Variants in FRMPD2 observed in about 807,000 individuals in gnomAD.
The protein encoded by FRMPD2 is FERM and PDZ domain containing 2, also known as FERM and PDZ domain-containing protein 2.
Under a neutral mutation model 140.1 loss-of-function variants are expected in FRMPD2, and 96 were observed. That is an observed-to-expected ratio of 0.69 (90% CI 0.58 to 0.81). The LOEUF (loss-of-function observed/expected upper bound fraction) is 0.81, where lower values mean the gene tolerates loss of function less well. FRMPD2 is among the 40% of genes least tolerant of loss of function. The probability of loss-of-function intolerance (pLI) is 0.00; values close to 1 mark genes in which losing one functional copy is unlikely to be tolerated. For synonymous variants in FRMPD2, 449 were observed against 547.6 expected (o/e 0.82, Z 2.52); for missense variants, 1,240 against 1,447.4 (o/e 0.86, Z 2.32).
chr10:48,178,260 G>T (rs1588807894), intron 21 of FRMPD2, 109 bp from the exon 22 acceptor site: 8 of 780,962 alleles, frequency 1.0e-5, no homozygotes, highest in Admixed American at 4.2e-5. Context: ...AAGATCATGA[G>T]CTTTGGATTG....
rs922962142 is a variant in FRMPD2 at position 48,244,790 on chromosome 10, T to C, written c.369A>G (p.Pro123=). 17 of 1,612,838 alleles carry C rather than the reference T, an allele frequency of 1.1e-5. No individual in the cohort carries two copies. The highest frequency in any genetic ancestry group is 1.4e-5 in the Non-Finnish European group (17 of 1,178,808). The change falls in exon 4 of 29, where the codon CCA becomes CCG. Residue 123 remains proline (P), a synonymous_variant. Transcript: ENST00000374201. The stretch of plus-strand genomic sequence containing the variant: ...GAGTATCTTGTTTACAAACCTGATG[T>C]GGCGGAACATGAAACCCTGCTGACC... The part of the protein sequence containing the change: ...LYWSAGFHVP[P]HQPLQLCEPL...
chr10:48,195,410 A>G (rs1838928766), intron 15 of FRMPD2, among the ~76,000 whole-genome samples: 1 of 152,266 alleles, frequency 6.6e-6, no homozygotes, highest in African/African-American at 2.4e-5. Flanking sequence ...AAGCACTTGG[A>G]AAGTGCTCAA....
chr10:48,196,997 C>A (rs1024554601), intron 15 of FRMPD2, among the ~76,000 whole-genome samples: 2 of 152,208 alleles, frequency 1.3e-5, no homozygotes, highest in African/African-American at 2.4e-5. Context: ...TCAGCAATAG[C>A]AGGTAAGTCA....
chr10:48,261,491 T>C (rs1415354753), intron 1 of FRMPD2, among the ~76,000 whole-genome samples: 1 of 152,092 alleles, frequency 6.6e-6, no homozygotes, highest in Non-Finnish European at 1.5e-5. Context: ...AAAAAGATCG[T>C]AGGACGTAAT....
At chr10:48,272,938 G>T (rs1027964672) in intron 1 of FRMPD2, among the ~76,000 whole-genome samples, 3 of 152,126 alleles carry the variant, frequency 2.0e-5, no homozygotes, top group African/African-American at 7.2e-5. Context: ...ACTACATTCA[G>T]TGGTCAATTG....
intron 22 of FRMPD2, 190 bp from the exon 23 acceptor site, chr10:48,176,129 C>T (rs1364872143): frequency 1.8e-6 from 1 of 571,356 alleles, no homozygotes; most frequent in Non-Finnish European, 3.2e-6. Context: ...ATTAGGTGTT[C>T]ATAAGCTTAA....
chr10:48,233,972 C>G (rs1193189272), intron 9 of FRMPD2, among the ~76,000 whole-genome samples: 2 of 152,238 alleles, frequency 1.3e-5, no homozygotes, highest in Non-Finnish European at 2.9e-5. Context: ...CACCAAAGCT[C>G]TTTCCCTGGG....
chr10:48,192,795 TC>T lies in FRMPD2; in HGVS notation c.2053del (p.Glu685SerfsTer15). 6.2e-7 allele frequency: 1 copy of T among 1,614,108 alleles called. No individual in the cohort carries two copies. The highest frequency in any genetic ancestry group is 8.5e-7 in the Non-Finnish European group (1 of 1,179,992). ...ACCCTGAAGCCTGGATACAAACAAC[TC>T]GTTTTCTGAGCATGACAATCTCTGA... ...WIQRLSCSENELFVSRLQGAA... is the reference protein window; with the variant it reads ...WIQRLSCSENXLFVSRLQGAA... On this transcript the variant is annotated frameshift_variant, in exon 16 of 29. Coordinates refer to ENST00000374201, the MANE Select transcript of FRMPD2 (RefSeq NM_001018071.4). LOFTEE classifies it high-confidence loss of function.
Position 48,208,212 on chromosome 10 carries a change from T to C in FRMPD2, c.1612-1279A>G, listed in dbSNP as rs544255886. Among the ~76,000 whole-genome samples the C allele has an allele frequency of 2.3e-3, 352 of 152,344 alleles. 1 individual carries two copies. The highest frequency in any genetic ancestry group is 8.2e-3 in the African/African-American group (341 of 41,584). ...AATAGGCAGACGCTTTTAAAGAATTTGGTGTGATATTTCTTTTAAAAATTA... is the reference window on the plus strand; with the variant it reads ...AATAGGCAGACGCTTTTAAAGAATTCGGTGTGATATTTCTTTTAAAAATTA... On this transcript the variant is annotated intron_variant, in intron 13 of 28. Transcript: ENST00000374201.
At chr10:48,201,987 A>T (rs1202307862) in intron 14 of FRMPD2, among the ~76,000 whole-genome samples, 1 of 152,030 alleles carries the variant, frequency 6.6e-6, no homozygotes, top group Non-Finnish European at 1.5e-5. Flanking sequence ...AGGTCACACC[A>T]CAAAGAAACG....
chr10:48,187,896 G>T (rs963771325), intron 16 of FRMPD2, among the ~76,000 whole-genome samples: 1 of 152,182 alleles, frequency 6.6e-6, no homozygotes, highest in Non-Finnish European at 1.5e-5. Flanking sequence ...CATTCAACTG[G>T]CCCTGACGGA....
intron 15 of FRMPD2, 63 bp downstream of exon 15, chr10:48,201,165 C>T (rs1220871130): frequency 2.3e-6 from 3 of 1,317,830 alleles, no homozygotes; most frequent in Non-Finnish European, 3.1e-6. Flanking sequence ...TCTATTTATA[C>T]AAATTATTTT....
chr10:48,255,588 G>T (rs1235193063), intron 1 of FRMPD2, among the ~76,000 whole-genome samples: 1 of 152,218 alleles, frequency 6.6e-6, no homozygotes, highest in East Asian at 1.9e-4. Flanking sequence ...AGAGTCATGG[G>T]GATGGGCAGA....
At chr10:48,193,079 A>T (rs988311089) in intron 15 of FRMPD2, 185 bp from the exon 16 acceptor site, 11 of 600,134 alleles carry the variant, frequency 1.8e-5, no homozygotes, top group Non-Finnish European at 3.2e-5. Flanking sequence ...TGCTAATGAA[A>T]GAAACCTCAG....
chr10:48,181,444 T>C (rs1160350456), intron 20 of FRMPD2, among the ~76,000 whole-genome samples: 1 of 151,978 alleles, frequency 6.6e-6, no homozygotes, highest in African/African-American at 2.4e-5. Flanking sequence ...ACAGCCAGCA[T>C]GTGGGAACTG....
intron 28 of FRMPD2, among the ~76,000 whole-genome samples, chr10:48,159,843 C>A (rs1184018251): frequency 1.3e-5 from 2 of 151,564 alleles, no homozygotes; most frequent in Non-Finnish European, 2.9e-5. Context: ...ACTTTCCAAC[C>A]GATAAGTGTA....
At chr10:48,251,862 G>C in intron 1 of FRMPD2, 171 bp from the exon 2 acceptor site, 1 of 646,840 alleles carries the variant, frequency 1.5e-6, no homozygotes, top group Non-Finnish European at 2.6e-6. Flanking sequence ...GCACACAGAG[G>C]AGTTAAAGAA....
chr10:48,270,850 T>C (rs1197115406), intron 1 of FRMPD2, among the ~76,000 whole-genome samples: 1 of 151,906 alleles, frequency 6.6e-6, no homozygotes, highest in Non-Finnish European at 1.5e-5. Context: ...CCAAAATCTC[T>C]CTAAAATCCG....
intron 3 of FRMPD2, among the ~76,000 whole-genome samples, chr10:48,246,179 C>A (rs1840244423): frequency 6.6e-6 from 1 of 152,174 alleles, no homozygotes; most frequent in African/African-American, 2.4e-5. Flanking sequence ...GCTCCCAGAA[C>A]CAATTGCAGT....
Sources: gnomAD v4.1 joint callset for allele counts (sites outside exome capture counted in the v4.1 genomes callset) on GRCh38, gnomAD v4.1.1 for gene constraint, MANE v1.5 for transcripts, NCBI Gene and HGNC (gene_info 2026-07-23, HGNC 2026-07-21) for gene names.